RFX7: variants seen among roughly 807,000 people sequenced by gnomAD.
The protein encoded by RFX7 is regulatory factor X7, also known as DNA-binding protein RFX7.
Under a neutral mutation model 111.8 loss-of-function variants are expected in RFX7, and 26 were observed. The ratio of observed to expected loss-of-function variants is 0.23; its 90% CI spans 0.17 to 0.32. The LOEUF (loss-of-function observed/expected upper bound fraction) is 0.32. Ranked by LOEUF, RFX7 falls within the 10% of genes least tolerant of loss-of-function variation. The pLI, the probability that RFX7 is intolerant of heterozygous loss-of-function variation, is 1.00. For missense variants in RFX7, 1,573 were observed against 1,772.9 expected (o/e 0.89, Z 2.02); for synonymous variants, 624 against 624.4 (o/e 1.00, Z 0.01).
At chr15:56,162,808 G>A (rs1306407387) in intron 3 of RFX7, among the ~76,000 whole-genome samples, 1 of 152,044 alleles carries the variant, frequency 6.6e-6, no homozygotes, top group African/African-American at 2.4e-5. Flanking sequence ...AACCAAACAA[G>A]CTATTTAAAT....
At chr15:56,135,571 T>C (rs1226699346) in intron 5 of RFX7, among the ~76,000 whole-genome samples, 1 of 151,712 alleles carries the variant, frequency 6.6e-6, no homozygotes. Flanking sequence ...AGGTTGCCTG[T>C]TCACTCTGAT....
chr15:56,243,049 G>GCCCCCCCCCCCCC, intron 2 of RFX7, 76 bp downstream of exon 2: 3 of 476,996 alleles, frequency 6.3e-6, no homozygotes, highest in Non-Finnish European at 1.2e-5. Flanking sequence ...CGCTCCCCCC[G>GCCCCCCCCCCCCC]CCCGCCGCCC....
At chr15:56,215,662 T>C (rs1346671280) in intron 2 of RFX7, among the ~76,000 whole-genome samples, 3 of 152,250 alleles carry the variant, frequency 2.0e-5, no homozygotes, top group South Asian at 2.1e-4. Context: ...GTCATTCTTA[T>C]ATTCTATTTG....
chr15:56,096,763 G>C, intron 9 of RFX7, 143 bp from the exon 10 acceptor site: 1 of 795,746 alleles, frequency 1.3e-6, no homozygotes, highest in Non-Finnish European at 1.9e-6. Flanking sequence ...AGTTCTTCTA[G>C]ACCAGGTTCT....
chr15:56,188,974 ATGCCCAGCTGATTTT>A (rs1274720694), intron 2 of RFX7, among the ~76,000 whole-genome samples: 1 of 152,142 alleles, frequency 6.6e-6, no homozygotes, highest in African/African-American at 2.4e-5. Flanking sequence ...CTACGCCACC[ATGCCCAGCTGATTTT>A]TGTATTTTTA....
chr15:56,112,924 G>A (rs909210991), intron 5 of RFX7, among the ~76,000 whole-genome samples: 6 of 152,186 alleles, frequency 3.9e-5, no homozygotes, highest in African/African-American at 1.2e-4. Flanking sequence ...CTGATCATTA[G>A]AGAAATGCAA....
At chr15:56,150,682 G>A (rs552933837) in intron 3 of RFX7, among the ~76,000 whole-genome samples, 11 of 152,228 alleles carry the variant, frequency 7.2e-5, no homozygotes, top group African/African-American at 2.2e-4. Context: ...ACAACCCCTC[G>A]CCAGCAAGGG....
Position 56,098,291 on chromosome 15 carries a change from A to C in RFX7, c.897T>G (p.Ser299=). The part of the protein sequence containing the change: ...SFQPQVKTLP[S]PIDAKQQLQR... ...GCAACTGCTGTTTAGCATCAATTGG[A>C]GATGGCAAAGTCTTCACCTGAGGCT... Residue 299 remains serine, a synonymous_variant, in exon 9 of 10, where the codon TCT becomes TCG. Transcript: ENST00000559447. The C allele has an allele frequency of 6.2e-7, 1 of 1,613,850 alleles. No individual in the cohort carries two copies. Among genetic ancestry groups the C allele is most frequent in the Non-Finnish European group, 8.5e-7 (1 of 1,179,808 alleles).
At chr15:56,224,128 T>C (rs2043455861) in intron 2 of RFX7, among the ~76,000 whole-genome samples, 1 of 151,778 alleles carries the variant, frequency 6.6e-6, no homozygotes, top group Admixed American at 6.6e-5. Flanking sequence ...TGTAGTAAAA[T>C]GGAACAAGTT....
intron 5 of RFX7, among the ~76,000 whole-genome samples, chr15:56,133,177 G>A (rs1351845988): frequency 6.6e-6 from 1 of 151,986 alleles, no homozygotes; most frequent in African/African-American, 2.4e-5. Flanking sequence ...CTGAAGACAT[G>A]AATATTAGAA....
chr15:56,190,588 C>T (rs1214423529), intron 2 of RFX7, among the ~76,000 whole-genome samples: 1 of 152,164 alleles, frequency 6.6e-6, no homozygotes, highest in African/African-American at 2.4e-5. Flanking sequence ...AAAAGCATTC[C>T]CTAATAAAGC....
chr15:56,200,077 C>T (rs2043179070), intron 2 of RFX7, among the ~76,000 whole-genome samples: 1 of 152,106 alleles, frequency 6.6e-6, no homozygotes, highest in South Asian at 2.1e-4. Context: ...TTGGAACTTC[C>T]TCTGTCATAG....
At chr15:56,119,734 G>A (rs1221862675) in intron 5 of RFX7, among the ~76,000 whole-genome samples, 4 of 148,486 alleles carry the variant, frequency 2.7e-5, no homozygotes, top group East Asian at 2.0e-4. Flanking sequence ...CTGAGATCGC[G>A]CCATTGGACT....
chr15:56,115,734 T>G (rs1178975276), intron 5 of RFX7, among the ~76,000 whole-genome samples: 2 of 151,956 alleles, frequency 1.3e-5, no homozygotes, highest in Non-Finnish European at 2.9e-5. Context: ...ATCAGGAGAT[T>G]GAGACCATCC....
At chr15:56,117,878 C>A (rs2042028554) in intron 5 of RFX7, among the ~76,000 whole-genome samples, 1 of 151,984 alleles carries the variant, frequency 6.6e-6, no homozygotes, top group Admixed American at 6.6e-5. Context: ...TGTTGGACAC[C>A]TAGGTTGATT....
Position 56,094,229 on chromosome 15 carries a change from C to T in RFX7, c.3499G>A (p.Val1167Met), listed in dbSNP as rs1429630806. ...SASSNFRCRS[V>M]SPAVHRQRNL... Reference sequence around the variant, plus strand: ...CGTTGGCGATGAACAGCAGGGCTCACACTCCGGCATCTGAAGTTGCTGCTG... The same window carrying T: ...CGTTGGCGATGAACAGCAGGGCTCATACTCCGGCATCTGAAGTTGCTGCTG... The change falls in exon 10 of 10, where the codon GTG (valine) becomes ATG (methionine). Residue 1167 changes from valine (V) to methionine (M), a missense_variant. Around this residue, in one of 7 missense-constraint regions of RFX7, gnomAD observed 411 missense variants for 478.1 expected, o/e 0.86. Coordinates refer to ENST00000559447, the MANE Select transcript of RFX7 (RefSeq NM_022841.7). 6.2e-7 allele frequency: 1 copy of T among 1,613,834 alleles called. No homozygotes were observed. Among genetic ancestry groups the T allele is most frequent in the Admixed American group, 1.7e-5 (1 of 60,000 alleles).
At chr15:56,238,999 A>C (rs1271489186) in intron 2 of RFX7, among the ~76,000 whole-genome samples, 1 of 151,690 alleles carries the variant, frequency 6.6e-6, no homozygotes. Context: ...ACACCTGGAT[A>C]ATTTTTTGGA....
At chr15:56,109,299 C>G (rs1364489642) in intron 5 of RFX7, among the ~76,000 whole-genome samples, 3 of 152,256 alleles carry the variant, frequency 2.0e-5, no homozygotes, top group Admixed American at 6.5e-5. Context: ...CCGCCAGCCT[C>G]GGCCTCCCGA....
At chr15:56,150,034 CG>C (rs2042546653) in intron 3 of RFX7, among the ~76,000 whole-genome samples, 1 of 14,392 alleles carries the variant, frequency 6.9e-5, no homozygotes, top group Non-Finnish European at 1.2e-4. Flanking sequence ...CGGGGGGTTG[CG>C]GGGTGGGGCG....
Sources: gnomAD v4.1 joint callset for allele counts (sites outside exome capture counted in the v4.1 genomes callset) on GRCh38, gnomAD v4.1.1 for gene constraint, gnomAD v4.1.1 regional missense constraint, MANE v1.5 for transcripts, NCBI Gene and HGNC (gene_info 2026-07-23, HGNC 2026-07-21) for gene names.